Variants in HAVCR1 observed in about 807,000 individuals in gnomAD.
HAVCR1 encodes hepatitis A virus cellular receptor 1.
HAVCR1 carries 34 observed loss-of-function variants against 32.0 expected under a neutral mutation model. The observed-to-expected ratio is 1.06, with a 90% CI of 0.81 to 1.42. The LOEUF is 1.42. Ranked by LOEUF, HAVCR1 falls within the 40% of genes most tolerant of loss-of-function variation. HAVCR1 has a pLI of 0.00. For missense variants in HAVCR1, 420 were observed against 442.3 expected, an observed-to-expected ratio of 0.95 and a Z score of 0.45; for synonymous variants, 178 against 170.3, an observed-to-expected ratio of 1.05 and a Z score of -0.35.
chr5:157,049,743 G>A (rs1390308316), intron 4 of HAVCR1, among the ~76,000 whole-genome samples: 1 of 152,166 alleles, frequency 6.6e-6, no homozygotes, highest in Non-Finnish European at 1.5e-5. Flanking sequence ...CCTTGGTAAT[G>A]ATTTACAACC....
rs568638686 is a variant in HAVCR1, at chr5:157,029,827, C to A, written c.1001G>T (p.Ser334Ile). 161 of 1,612,410 alleles carry A rather than the reference C, an allele frequency of 1.0e-4. No individual in the cohort carries two copies. In the South Asian group the frequency reaches 1.7e-3, roughly 17 times the overall value. The change falls in exon 9 of 9, where the codon AGC (serine) becomes ATC (isoleucine). Residue 334 changes from serine (S) to isoleucine (I), a missense_variant. Ser to Ile is a moderately radical substitution (Grantham distance 142, BLOSUM62 -2). Transcript: ENST00000523175. ...EVQQLSVSFS[S>I]LQIKALQNAV... ...ATTTTGCAAAGCTTTAATTTGAAGG[C>A]TGCTAAATGAAACACTGTAGAAAGA...
At chr5:157,066,957 A>C in the HAVCR1 span, among the ~76,000 whole-genome samples, 1 of 152,134 alleles carries the variant, frequency 6.6e-6, no homozygotes, top group East Asian at 1.9e-4. Flanking sequence ...GTGGTGGTAC[A>C]TGCTTGTAAT....
intron 7 of HAVCR1, 48 bp downstream of exon 7, chr5:157,037,199 T>C (rs1239892262): frequency 1.1e-6 from 1 of 899,912 alleles, no homozygotes; most frequent in East Asian, 2.4e-5. Context: ...CCCAGGCAAT[T>C]TTGCTGTACA....
chr5:157,047,191 A>T (rs1259154370), intron 5 of HAVCR1, among the ~76,000 whole-genome samples: 1 of 152,156 alleles, frequency 6.6e-6, no homozygotes, highest in Non-Finnish European at 1.5e-5. Flanking sequence ...GTCATAAGAC[A>T]CTTCCCAGAG....
chr5:157,064,139 AG>A, the HAVCR1 span, among the ~76,000 whole-genome samples: 1 of 152,166 alleles, frequency 6.6e-6, no homozygotes, highest in African/African-American at 2.4e-5. Flanking sequence ...ATTGAGAAGC[AG>A]GAAGACCTGT....
Position 157,052,394 on chromosome 5 carries a change from G to C in HAVCR1, c.640C>G (p.Pro214Ala), listed in dbSNP as rs1304729402. 10 of 1,614,086 alleles carry C rather than the reference G, an allele frequency of 6.2e-6. No homozygotes were observed. Among genetic ancestry groups the C allele is most frequent in the Non-Finnish European group, 8.5e-6 (10 of 1,179,980 alleles). ...TGGTTCTGCCTGGGCAAAGGCATTGGAGGAACAAAGGTAGAGACAGTTGTT... is the reference window on the plus strand; with the variant it reads ...TGGTTCTGCCTGGGCAAAGGCATTGCAGGAACAAAGGTAGAGACAGTTGTT... ...VTTTVSTFVP[P>A]MPLPRQNHEP... is the part of the protein sequence containing the mutation. Residue 214 changes from proline to alanine, a missense_variant, in exon 4 of 9, where the codon CCA becomes GCA. Coordinates refer to ENST00000523175, the MANE Select transcript of HAVCR1 (RefSeq NM_001173393.3).
intron 5 of HAVCR1, among the ~76,000 whole-genome samples, chr5:157,047,878 G>T (rs975781832): frequency 6.6e-6 from 1 of 152,166 alleles, no homozygotes; most frequent in Non-Finnish European, 1.5e-5. Context: ...GTTGGGAGGG[G>T]CAGTCTTGGG....
chr5:157,063,178 G>A (rs1756526217), upstream of HAVCR1, among the ~76,000 whole-genome samples: 1 of 144,542 alleles, frequency 6.9e-6, no homozygotes, highest in African/African-American at 2.6e-5. Flanking sequence ...TACCAAAAGT[G>A]TACTCATTTA....
chr5:157,060,739 A>G (rs192349255), upstream of HAVCR1, among the ~76,000 whole-genome samples: 5 of 152,226 alleles, frequency 3.3e-5, no homozygotes, highest in Non-Finnish European at 5.9e-5. Flanking sequence ...TAACTGTACA[A>G]TTCCATAGGA....
At chr5:157,035,869 G>A (rs184602933) in intron 7 of HAVCR1, among the ~76,000 whole-genome samples, 2 of 152,140 alleles carry the variant, frequency 1.3e-5, no homozygotes, top group East Asian at 3.9e-4. Context: ...TATTTACATG[G>A]CATTTACGTT....
At position 157,057,362 on chromosome 5, in the gene HAVCR1, AAGAG is replaced by A. The variant is rs140801641; in HGVS notation, c.46+532_46+535del. Reference sequence around the variant, plus strand: ...CTGCACTCCAGAGTGAGACCTCATGAAGAGAGAGAGAGAGAGAGAGAGAGGAAAG... The same window carrying A: ...CTGCACTCCAGAGTGAGACCTCATGAAGAGAGAGAGAGAGAGAGAGGAAAG... On this transcript the variant is annotated intron_variant, in intron 2 of 8. Transcript: ENST00000523175. Among the ~76,000 whole-genome samples the A allele has an allele frequency of 2.3e-3, 298 of 129,990 alleles. 5 individuals carry two copies. The highest frequency in any genetic ancestry group is 2.8e-3 in the Non-Finnish European group (178 of 63,770). The allele number at this position is 129,990 out of a possible 152,430, so 85.3% of individuals were successfully genotyped here.
intron 4 of HAVCR1, among the ~76,000 whole-genome samples, chr5:157,051,426 T>G (rs1432905085): frequency 6.6e-6 from 1 of 152,170 alleles, no homozygotes; most frequent in Admixed American, 6.6e-5. Context: ...AACATAAAAC[T>G]CAGTGCTGAT....
Position 157,049,534 on chromosome 5 carries a change from T to C in HAVCR1, c.674-389A>G, listed in dbSNP as rs13168195. ...ACCCAATTAAGCTTTATTTTATTCA[T>C]ACAAGTGATATTTCACTTTCAGAAA... On this transcript the variant is annotated intron_variant, in intron 4 of 8. Coordinates refer to ENST00000523175, the MANE Select transcript of HAVCR1 (RefSeq NM_001173393.3). 6.9e-3 allele frequency among the ~76,000 whole-genome samples: 1,047 copies of C among 152,374 alleles called. 4 individuals are homozygous for C. The highest frequency in any genetic ancestry group is 0.011 in the Non-Finnish European group (745 of 68,040).
chr5:157,030,670 G>T (rs1201836035), intron 8 of HAVCR1, among the ~76,000 whole-genome samples: 2 of 152,230 alleles, frequency 1.3e-5, no homozygotes, highest in Non-Finnish European at 2.9e-5. Flanking sequence ...AGTAGAAACA[G>T]TGGAAATACA....
chr5:157,036,370 T>G (rs1218917949), intron 7 of HAVCR1, among the ~76,000 whole-genome samples: 1 of 152,108 alleles, frequency 6.6e-6, no homozygotes, highest in African/African-American at 2.4e-5. Context: ...TCCCAGCTAC[T>G]CAGGAGGCTG....
At chr5:157,056,615 C>CAG (rs1219727783) in intron 2 of HAVCR1, among the ~76,000 whole-genome samples, 3 of 150,690 alleles carry the variant, frequency 2.0e-5, no homozygotes, top group African/African-American at 7.3e-5. Flanking sequence ...TTCCTGACCT[C>CAG]GTGATCTGCC....
chr5:157,044,452 AAAGAAAGAAAGAAAGAAAGGAAGG>A (rs1755148284), intron 5 of HAVCR1, among the ~76,000 whole-genome samples: 1 of 64,594 alleles, frequency 1.5e-5, no homozygotes, highest in Admixed American at 1.7e-4. Flanking sequence ...AGAAAGAAAG[AAAGAAAGAAAGAAAGAAAGGAAGG>A]AAGGAAGGAA....
Position 157,052,481 on chromosome 5 carries a change from AAACAGTCATTGTCGTCAG to A in HAVCR1, c.535_552del (p.Leu179_Val184del). 1.2e-6 allele frequency: 2 copies of A among 1,603,024 alleles called. No individual in the cohort carries two copies. Among genetic ancestry groups the A allele is most frequent in the Non-Finnish European group, 1.7e-6 (2 of 1,173,194 alleles). On this transcript the variant is annotated inframe_deletion, in exon 4 of 9. Coordinates refer to ENST00000523175, the MANE Select transcript of HAVCR1 (RefSeq NM_001173393.3). ...GTCGTTGGAACGCTCGTTGTCGTTG[AAACAGTCATTGTCGTCAG>A]AACAGTCGTTGTCGTTGGAATGCTC... is the stretch of plus-strand genomic sequence containing the variant.
At chr5:157,051,783 G>T (rs1755755360) in intron 4 of HAVCR1, among the ~76,000 whole-genome samples, 1 of 152,196 alleles carries the variant, frequency 6.6e-6, no homozygotes, top group African/African-American at 2.4e-5. Context: ...TTCTATCTGT[G>T]TAACTTTCAA....
Sources: allele counts gnomAD v4.1 joint callset (sites outside exome capture counted in the v4.1 genomes callset), GRCh38; gene constraint gnomAD v4.1.1; transcripts MANE v1.5; gene names NCBI Gene and HGNC (gene_info 2026-07-23, HGNC 2026-07-21).